PCID2: variants seen among roughly 807,000 people sequenced by gnomAD.
PCID2 encodes the protein PCI domain containing 2.
PCID2 carries 41 observed loss-of-function variants against 61.3 expected under a neutral mutation model. The observed-to-expected ratio is 0.67, with a 90% CI of 0.52 to 0.87. The LOEUF (loss-of-function observed/expected upper bound fraction) is 0.87, where lower values mean the gene tolerates loss of function less well. Among genes scored for constraint, PCID2 ranks in the 40% least tolerant of loss-of-function variants. The pLI is 0.00. For synonymous variants in PCID2, 187 were observed against 177.8 expected (o/e 1.05, Z -0.41); for missense variants, 392 against 493.4 (o/e 0.79, Z 1.95).
At chr13:113,189,057 G>A (rs895052379) in intron 7 of PCID2, among the ~76,000 whole-genome samples, 3 of 152,068 alleles carry the variant, frequency 2.0e-5, no homozygotes, top group Non-Finnish European at 4.4e-5. Flanking sequence ...CCTCATGAAT[G>A]GCTTGGTGCT....
In PCID2 at chr13:113,184,416, G is replaced by A; in HGVS notation, c.615C>T (p.Ser205=). ...IDSSNLKDDY[S]TAQRVTYKYY... is the part of the protein sequence containing the mutation. ...ATTTGTATGTTACTCTCTGTGCAGT[G>A]CTGTAATCGTCTTTCAGGTTTGAGC... The change falls in exon 9 of 14, where the codon AGC becomes AGT. Residue 205 remains serine, a synonymous_variant. Transcript: ENST00000337344. 1 of 1,606,512 alleles carries A rather than the reference G, an allele frequency of 6.2e-7. No homozygotes were observed. The highest frequency in any genetic ancestry group is 1.1e-5 in the South Asian group (1 of 90,940).
chr13:113,203,944 T>C (rs1364235260), intron 1 of PCID2, among the ~76,000 whole-genome samples: 1 of 152,250 alleles, frequency 6.6e-6, no homozygotes, highest in Non-Finnish European at 1.5e-5. Context: ...TGGCCCTCCC[T>C]GTGCCATGTG....
chr13:113,183,920 A>G, intron 9 of PCID2: 1 of 985,438 alleles, frequency 1.0e-6, no homozygotes. Context: ...GTCCAAGGGC[A>G]TATCCCCTGC....
At chr13:113,184,930 C>T (rs1262589106) in intron 8 of PCID2, among the ~76,000 whole-genome samples, 3 of 151,320 alleles carry the variant, frequency 2.0e-5, no homozygotes, top group Non-Finnish European at 2.9e-5. Flanking sequence ...TCTGGGAAGC[C>T]GTTCCAGGGG....
In PCID2 at chr13:113,190,856, T is replaced by C. The variant is rs750641538; in HGVS notation, c.467+16A>G. 6.4e-7 allele frequency: 1 copy of C among 1,565,078 alleles called. No individual in the cohort carries two copies. The highest frequency in any genetic ancestry group is 8.8e-7 in the Non-Finnish European group (1 of 1,138,286). ...ACCAACAGCGTCTGGTGGTCGGTCC[T>C]CAAGTCCTTACTCACGTGTCGCTGG... On this transcript the variant is annotated intron_variant, in intron 7 of 13. Coordinates refer to ENST00000337344, the MANE Select transcript of PCID2 (RefSeq NM_001127202.4).
chr13:113,199,851 A>G (rs1375486784), intron 2 of PCID2, among the ~76,000 whole-genome samples: 1 of 152,222 alleles, frequency 6.6e-6, no homozygotes, highest in Non-Finnish European at 1.5e-5. Flanking sequence ...GCCAAACATA[A>G]TCACCAATAG....
intron 9 of PCID2, among the ~76,000 whole-genome samples, chr13:113,182,586 G>A (rs1207093108): frequency 3.3e-5 from 5 of 152,084 alleles, no homozygotes; most frequent in African/African-American, 9.7e-5. Flanking sequence ...TGCAAGCTCC[G>A]CCTCCCGGGT....
the PCID2 span, chr13:113,166,047 C>T: frequency 9.2e-5 from 14 of 152,226 alleles, no homozygotes; most frequent in African/African-American, 3.4e-4. Flanking sequence ...TTATACCACC[C>T]ACACTGGCTT....
At chr13:113,207,225 T>C (rs1033997525) in intron 1 of PCID2, among the ~76,000 whole-genome samples, 1 of 152,246 alleles carries the variant, frequency 6.6e-6, no homozygotes, top group African/African-American at 2.4e-5. Flanking sequence ...ATGGTAGTTA[T>C]GTACTTTTAA....
rs2040110800 is a variant in PCID2 at position 113,208,402 on chromosome 13, T to C, written c.36+197A>G. 4 of 1,472,468 alleles carry C rather than the reference T, an allele frequency of 2.7e-6. No individual in the cohort carries two copies. In the African/African-American group the frequency reaches 4.2e-5, roughly 16 times the overall value. 91.2% of individuals were successfully genotyped at this position (1,472,468 alleles called of 1,614,324 possible). The stretch of plus-strand genomic sequence containing the variant: ...CACCGCCCGGCCCCCACGGCGGCCC[T>C]GCAGGGGAGAACTCGGGCCGCCTTC... On this transcript the variant is annotated intron_variant, in intron 1 of 13. Transcript: ENST00000337344.
At position 113,195,139 on chromosome 13, in the gene PCID2, A is replaced by G; in HGVS notation, c.309-14T>C. On this transcript the variant is annotated splice_polypyrimidine_tract_variant and intron_variant, in intron 5 of 13. Transcript: ENST00000337344. ...ACAGGCAGAGCCCTGCAGGGCAAAA[A>G]AGTAAACAAGTGTGAGGGGCTACGT... 1.9e-6 allele frequency: 3 copies of G among 1,587,452 alleles called. No homozygotes were observed. Among genetic ancestry groups the G allele is most frequent in the Non-Finnish European group, 2.6e-6 (3 of 1,155,674 alleles).
chr13:113,208,055 T>C (rs375156007), intron 1 of PCID2: 69 of 1,612,732 alleles, frequency 4.3e-5, no homozygotes, highest in Non-Finnish European at 5.6e-5. Flanking sequence ...CAGACGCATG[T>C]ACCGAGCGAT....
chr13:113,197,092 T>A (rs760267113), intron 4 of PCID2, 86 bp downstream of exon 4: 16 of 1,614,114 alleles, frequency 9.9e-6, no homozygotes, highest in Admixed American at 1.7e-5. Flanking sequence ...AATGAGCAAC[T>A]GGCCCAGTGT....
intron 7 of PCID2, 195 bp downstream of exon 7, chr13:113,190,677 C>G (rs2038536705): frequency 4.7e-6 from 2 of 426,562 alleles, no homozygotes; most frequent in Admixed American, 4.2e-5. Flanking sequence ...CAAATGAAGA[C>G]TCTTTTTTCC....
chr13:113,188,895 T>A (rs886975949), intron 7 of PCID2, among the ~76,000 whole-genome samples: 1 of 152,194 alleles, frequency 6.6e-6, no homozygotes, highest in Non-Finnish European at 1.5e-5. Flanking sequence ...ACAGAGTTTA[T>A]TGGCAACAAA....
In PCID2 at chr13:113,181,273, T is replaced by TG. The variant is rs767076490; in HGVS notation, c.686-44dup. ...CCAGCACGCATGAGACCAACGCACC[T>TG]GCTTCAGGCCCCTTCCTGCTCCATT... On this transcript the variant is annotated intron_variant, in intron 9 of 13. Coordinates refer to ENST00000337344, the MANE Select transcript of PCID2 (RefSeq NM_001127202.4). 4 of 1,223,070 alleles carry TG rather than the reference T, an allele frequency of 3.3e-6. No individual in the cohort carries two copies. In the East Asian group the frequency reaches 9.3e-5, roughly 28 times the overall value. The allele number at this position is 1,223,070 out of a possible 1,614,324, so 75.8% of individuals were successfully genotyped here.
intron 1 of PCID2, among the ~76,000 whole-genome samples, chr13:113,203,521 T>C (rs1012080923): frequency 2.0e-5 from 3 of 152,258 alleles, no homozygotes; most frequent in South Asian, 2.1e-4. Context: ...AAAATCACCA[T>C]GCTACAGATC....
downstream of PCID2, among the ~76,000 whole-genome samples, chr13:113,173,958 G>A (rs1199963365): frequency 6.6e-6 from 1 of 152,102 alleles, no homozygotes; most frequent in African/African-American, 2.4e-5. Context: ...TCCAGGCGCA[G>A]TAGCTCACGC....
chr13:113,165,328 G>GC, the PCID2 span: 2 of 652,882 alleles, frequency 3.1e-6, no homozygotes, highest in South Asian at 3.4e-5. Flanking sequence ...ATTATTTACA[G>GC]CCCCCAAGAC....
Sources: allele counts gnomAD v4.1 joint callset (sites outside exome capture counted in the v4.1 genomes callset), GRCh38; gene constraint gnomAD v4.1.1; transcripts MANE v1.5; gene names NCBI Gene and HGNC (gene_info 2026-07-23, HGNC 2026-07-21).